IL1RAPL2: variants seen among roughly 807,000 people sequenced by gnomAD.
IL1RAPL2 encodes the protein X-linked interleukin-1 receptor accessory protein-like 2.
In IL1RAPL2, 3 loss-of-function variants were observed where a neutral mutation model predicts 44.1. The observed-to-expected ratio is 0.07, with a 90% CI of 0.03 to 0.18. IL1RAPL2 has a LOEUF of 0.18. Ranked by LOEUF, IL1RAPL2 falls within the 10% of genes least tolerant of loss-of-function variation. The pLI, the probability that IL1RAPL2 is intolerant of heterozygous loss-of-function variation, is 1.00. For missense variants in IL1RAPL2, 391 were observed against 496.4 expected, an observed-to-expected ratio of 0.79 and a Z score of 2.02; for synonymous variants, 181 against 178.8, an observed-to-expected ratio of 1.01 and a Z score of -0.10.
chrX:105,290,653 G>A (rs758474202), intron 5 of IL1RAPL2, among the ~76,000 whole-genome samples: 1 of 111,436 alleles, frequency 9.0e-6, no homozygotes, highest in Non-Finnish European at 1.9e-5. Context: ...AGAAAAGAAG[G>A]AGTGAAGCAA....
chrX:105,536,334 GAAAT>G (rs1232601151), intron 6 of IL1RAPL2, among the ~76,000 whole-genome samples: 1 of 104,446 alleles, frequency 9.6e-6, no homozygotes, highest in African/African-American at 3.5e-5. Flanking sequence ...ATTAAGGTAA[GAAAT>G]AAAATCATTA....
At chrX:104,879,365 T>TAAAAAAAA (rs753494292) in intron 2 of IL1RAPL2, among the ~76,000 whole-genome samples, 3 of 31,033 alleles carry the variant, frequency 9.7e-5, no homozygotes, top group African/African-American at 3.7e-4. Flanking sequence ...GCAAAACTAG[T>TAAAAAAAA]AAAAAAAAAA....
At chrX:105,441,678 A>G (rs765250766) in intron 5 of IL1RAPL2, among the ~76,000 whole-genome samples, 1 of 111,856 alleles carries the variant, frequency 8.9e-6, no homozygotes, top group Non-Finnish European at 1.9e-5. Flanking sequence ...ATCAATGTCA[A>G]ATTAAGACAT....
intron 1 of IL1RAPL2, among the ~76,000 whole-genome samples, chrX:104,629,356 T>C (rs1338621406): frequency 8.9e-6 from 1 of 111,824 alleles, no homozygotes. Flanking sequence ...TTAGAGCTTT[T>C]GCCTATTTTT....
chrX:104,567,803 C>T (rs919164970), intron 1 of IL1RAPL2, among the ~76,000 whole-genome samples: 26 of 112,061 alleles, frequency 2.3e-4, no homozygotes, highest in African/African-American at 6.8e-4. Context: ...CCTCTCTGGG[C>T]CTGGCATTGG....
At chrX:105,679,772 A>G (rs376762051) in intron 6 of IL1RAPL2, among the ~76,000 whole-genome samples, 2 of 111,684 alleles carry the variant, frequency 1.8e-5, no homozygotes, top group East Asian at 5.6e-4. Context: ...AGCCTGAAAA[A>G]TTATCTTGAT....
chrX:105,734,338 C>T (rs938874328), intron 7 of IL1RAPL2, among the ~76,000 whole-genome samples: 8 of 110,351 alleles, frequency 7.2e-5, no homozygotes, highest in African/African-American at 2.6e-4. Context: ...GTGGGCTAGG[C>T]TTTGGTAAAA....
intron 2 of IL1RAPL2, among the ~76,000 whole-genome samples, chrX:104,878,493 C>T (rs775843417): frequency 1.8e-5 from 2 of 112,077 alleles, no homozygotes; most frequent in South Asian, 7.5e-4. Context: ...CTCACTTATG[C>T]ATTTGTCTAC....
intron 5 of IL1RAPL2, among the ~76,000 whole-genome samples, chrX:105,419,625 A>G (rs1414701836): frequency 5.3e-5 from 6 of 112,229 alleles, no homozygotes; most frequent in Non-Finnish European, 1.1e-4. Flanking sequence ...AAAAACTTCT[A>G]TATTTATTAC....
chrX:105,465,333 TGAG>T (rs1268469371), intron 5 of IL1RAPL2, among the ~76,000 whole-genome samples: 1 of 112,112 alleles, frequency 8.9e-6, no homozygotes, highest in Non-Finnish European at 1.9e-5. Context: ...TCTTCTTTCC[TGAG>T]AAAGTGAAGT....
rs150935031 is a variant in IL1RAPL2 at position 105,687,984 on chromosome X, T to A, written c.773-29383T>A. Among the ~76,000 whole-genome samples the A allele has an allele frequency of 8.1e-4, 91 of 111,695 alleles. 1 individual carries two copies. The East Asian group carries it at 0.011, about 13-fold the overall frequency. On this transcript the variant is annotated intron_variant, in intron 6 of 10. Transcript: ENST00000372582. ...CAACAACAAAAACCACATGATTATC[T>A]CAATAGATGCAGAAAGGCCTTCAAC...
At chrX:105,438,345 T>TA (rs1440121222) in intron 5 of IL1RAPL2, among the ~76,000 whole-genome samples, 4 of 111,357 alleles carry the variant, frequency 3.6e-5, no homozygotes, top group African/African-American at 9.8e-5. Context: ...TAGCCTAACA[T>TA]ATAAGATCCC....
intron 5 of IL1RAPL2, among the ~76,000 whole-genome samples, chrX:105,412,994 A>C (rs1283294080): frequency 9.0e-6 from 1 of 111,548 alleles, no homozygotes; most frequent in East Asian, 2.8e-4. Flanking sequence ...TTTTCTTTCC[A>C]ATTTTCTATC....
chrX:105,572,042 C>T (rs931077500), intron 6 of IL1RAPL2, among the ~76,000 whole-genome samples: 3 of 111,243 alleles, frequency 2.7e-5, no homozygotes, highest in Non-Finnish European at 3.8e-5. Flanking sequence ...TTAATAGAAA[C>T]GAAGATGTTC....
chrX:105,621,620 T>A (rs2037418987), intron 6 of IL1RAPL2, among the ~76,000 whole-genome samples: 1 of 111,465 alleles, frequency 9.0e-6, no homozygotes, highest in South Asian at 3.7e-4. Flanking sequence ...GAATATTGAA[T>A]AGATGAAAAT....
intron 4 of IL1RAPL2, among the ~76,000 whole-genome samples, 165 bp from the exon 5 acceptor site, chrX:105,267,223 T>C (rs567113762): frequency 1.8e-5 from 2 of 111,903 alleles, no homozygotes; most frequent in Non-Finnish European, 3.8e-5. Flanking sequence ...TTGGATACAA[T>C]AGGACACATT....
chrX:105,069,061 G>A (rs1250410488), intron 2 of IL1RAPL2, among the ~76,000 whole-genome samples: 2 of 111,689 alleles, frequency 1.8e-5, no homozygotes, highest in Non-Finnish European at 3.8e-5. Context: ...TCCTCCTAAG[G>A]AAAATGGCCC....
chrX:105,254,225 A>T (rs1848373994), intron 4 of IL1RAPL2, among the ~76,000 whole-genome samples: 1 of 111,225 alleles, frequency 9.0e-6, no homozygotes, highest in Non-Finnish European at 1.9e-5. Flanking sequence ...TTATTTTTTG[A>T]CTTTTTAGTA....
intron 2 of IL1RAPL2, among the ~76,000 whole-genome samples, chrX:105,002,086 G>A (rs2030861079): frequency 9.0e-6 from 1 of 110,693 alleles, no homozygotes; most frequent in Non-Finnish European, 1.9e-5. Flanking sequence ...AGCAGGAAAT[G>A]GCACAGAATA....
Sources: allele counts gnomAD v4.1 joint callset (sites outside exome capture counted in the v4.1 genomes callset), GRCh38; gene constraint gnomAD v4.1.1; transcripts MANE v1.5; gene names NCBI Gene and HGNC (gene_info 2026-07-23, HGNC 2026-07-21).